Variants in NRG1 observed in about 807,000 individuals in gnomAD.
NRG1 encodes pro-neuregulin-1, membrane-bound isoform.
A neutral mutation model predicts 63.8 loss-of-function variants in NRG1; 18 were observed. The observed-to-expected ratio is 0.28, with a 90% CI of 0.19 to 0.42. The LOEUF is 0.42. Among genes scored for constraint, NRG1 ranks in the 10% least tolerant of loss-of-function variants. The pLI is 1.00. For missense variants in NRG1, 762 were observed against 814.7 expected, an observed-to-expected ratio of 0.94 and a Z score of 0.79; for synonymous variants, 302 against 301.3, an observed-to-expected ratio of 1.00 and a Z score of -0.02.
chr8:31,994,541 C>T (rs945570458), intron 1 of NRG1, among the ~76,000 whole-genome samples: 15 of 149,020 alleles, frequency 1.0e-4, no homozygotes, highest in African/African-American at 3.7e-4. Flanking sequence ...ATAGTACCAG[C>T]TACTCAGGAG....
At chr8:32,131,107 ATTTC>A (rs1267654271) in intron 1 of NRG1, among the ~76,000 whole-genome samples, 1 of 152,030 alleles carries the variant, frequency 6.6e-6, no homozygotes, top group Non-Finnish European at 1.5e-5. Flanking sequence ...CAATACCTTA[ATTTC>A]CAGATACATT....
intron 1 of NRG1, among the ~76,000 whole-genome samples, chr8:32,127,772 A>T (rs1020905872): frequency 6.6e-6 from 1 of 151,688 alleles, no homozygotes; most frequent in Non-Finnish European, 1.5e-5. Flanking sequence ...TATCAGTGGG[A>T]TGGTGATTCA....
intron 1 of NRG1, among the ~76,000 whole-genome samples, chr8:31,940,421 A>G (rs1392473649): frequency 1.3e-5 from 2 of 152,096 alleles, no homozygotes; most frequent in Admixed American, 1.3e-4. Context: ...GGGAAAGTTC[A>G]TAGCATTAAA....
chr8:32,153,052 G>A (rs1458747502), intron 1 of NRG1, among the ~76,000 whole-genome samples: 1 of 149,228 alleles, frequency 6.7e-6, no homozygotes. Context: ...CATGTGCCTG[G>A]GAATGAGAGC....
chr8:31,932,398 C>T (rs1834943243), intron 1 of NRG1, among the ~76,000 whole-genome samples: 1 of 152,152 alleles, frequency 6.6e-6, no homozygotes, highest in Non-Finnish European at 1.5e-5. Context: ...AGAAGCAACG[C>T]TTTCAGATGA....
chr8:31,683,907 A>G (rs984288109), intron 1 of NRG1, among the ~76,000 whole-genome samples: 4 of 152,162 alleles, frequency 2.6e-5, no homozygotes, highest in African/African-American at 4.8e-5. Context: ...TTAGTTTAGC[A>G]TTTTACAATC....
At chr8:32,074,955 G>T (rs147911961) in intron 1 of NRG1, among the ~76,000 whole-genome samples, 2 of 152,344 alleles carry the variant, frequency 1.3e-5, no homozygotes, top group African/African-American at 2.4e-5. Flanking sequence ...CAGATTGCCT[G>T]AGTTCATATC....
At chr8:31,707,285 T>C (rs1180767600) in intron 1 of NRG1, among the ~76,000 whole-genome samples, 8 of 152,150 alleles carry the variant, frequency 5.3e-5, no homozygotes, top group Admixed American at 2.6e-4. Flanking sequence ...ATGTAAGATA[T>C]TACCCTTATT....
At chr8:32,116,567 G>A (rs1034014335) in intron 1 of NRG1, among the ~76,000 whole-genome samples, 1 of 152,088 alleles carries the variant, frequency 6.6e-6, no homozygotes, top group Non-Finnish European at 1.5e-5. Context: ...GGTTTAATTG[G>A]CTCACCTTCA....
chr8:32,020,105 G>A (rs1307017514), intron 1 of NRG1, among the ~76,000 whole-genome samples: 1 of 152,096 alleles, frequency 6.6e-6, no homozygotes, highest in Non-Finnish European at 1.5e-5. Context: ...GTTGGAAATT[G>A]ACATCTTAAC....
At position 32,748,339 on chromosome 8, in the gene NRG1, G is replaced by GCACACA. The variant is rs879033032; in HGVS notation, c.691+5621_691+5626dup. ...TAGGCGCATGTACACGCGCGCGCGC[G>GCACACA]CACACACACACACACACACAGAGAG... On this transcript the variant is annotated intron_variant, in intron 7 of 11. Transcript: ENST00000356819. 1.4e-3 allele frequency among the ~76,000 whole-genome samples: 176 copies of GCACACA among 128,378 alleles called. 1 individual carries two copies. The highest frequency in any genetic ancestry group is 5.2e-3 in the South Asian group (18 of 3,468). 84.2% of individuals were successfully genotyped at this position (128,378 alleles called of 152,430 possible).
chr8:32,299,506 T>G (rs1268706627), intron 1 of NRG1, among the ~76,000 whole-genome samples: 1 of 152,186 alleles, frequency 6.6e-6, no homozygotes, highest in African/African-American at 2.4e-5. Flanking sequence ...CCTGGGCAGA[T>G]GATAATGATA....
chr8:32,466,227 T>C (rs2129489826), intron 1 of NRG1, among the ~76,000 whole-genome samples: 1 of 152,252 alleles, frequency 6.6e-6, no homozygotes, highest in South Asian at 2.1e-4. Context: ...CTTGGAGGGC[T>C]AAGGCAGGAG....
intron 1 of NRG1, among the ~76,000 whole-genome samples, chr8:32,154,151 C>T (rs1009785893): frequency 6.6e-6 from 1 of 152,174 alleles, no homozygotes; most frequent in Admixed American, 6.5e-5. Context: ...GTGGAAGAGG[C>T]AAGACCTCCA....
At chr8:32,504,034 A>AT (rs148877331) in intron 1 of NRG1, among the ~76,000 whole-genome samples, 24 of 152,166 alleles carry the variant, frequency 1.6e-4, no homozygotes, top group Middle Eastern at 3.4e-3. Context: ...CACTTGAGGT[A>AT]TTTTTTCCCT....
Position 31,639,344 on chromosome 8 carries a change from G to A in NRG1, c.-51G>A, listed in dbSNP as rs955166417. The A allele has an allele frequency of 2.3e-5, 35 of 1,532,792 alleles. No homozygotes were observed. In the South Asian group the frequency reaches 2.9e-4, roughly 13 times the overall value. The allele number at this position is 1,532,792 out of a possible 1,614,324, so 94.9% of individuals were successfully genotyped here. A position where few individuals can be genotyped will look rare whatever the true frequency, so the allele number is the denominator to read the frequency against. ...GAGAGGGAGGAGGCGCGCGGGGACG[G>A]GGACGCCCAGGAGGACCCACTCGCG... On this transcript the variant is annotated 5_prime_UTR_variant, in exon 1 of 11. Transcript: ENST00000519301.
chr8:32,153,018 T>C (rs1426670943), intron 1 of NRG1, among the ~76,000 whole-genome samples: 1 of 152,182 alleles, frequency 6.6e-6, no homozygotes, highest in East Asian at 1.9e-4. Context: ...TAGTGCTTAA[T>C]AGGACAGGGG....
chr8:32,033,284 T>C (rs1334439556), intron 1 of NRG1, among the ~76,000 whole-genome samples: 2 of 152,042 alleles, frequency 1.3e-5, no homozygotes, highest in Admixed American at 1.3e-4. Context: ...TTCTGAGTTC[T>C]CTATTCTGTT....
intron 5 of NRG1, among the ~76,000 whole-genome samples, chr8:32,702,606 C>A (rs1354253212): frequency 6.6e-6 from 1 of 152,156 alleles, no homozygotes; most frequent in Non-Finnish European, 1.5e-5. Flanking sequence ...CCTGCCTCAG[C>A]CTGCTGAGTA....
Sources: gnomAD v4.1 joint callset for allele counts (sites outside exome capture counted in the v4.1 genomes callset) on GRCh38, gnomAD v4.1.1 for gene constraint, MANE v1.5 for transcripts, NCBI Gene and HGNC (gene_info 2026-07-23, HGNC 2026-07-21) for gene names.